Variants in ZNF497 observed in about 807,000 individuals in gnomAD.
The protein encoded by ZNF497 is zinc finger protein 497, also known as zinc finger-like protein.
For synonymous variants in ZNF497, 422 were observed against 313.7 expected, an observed-to-expected ratio of 1.35 and a Z score of -3.65; for missense variants, 930 against 714.0, an observed-to-expected ratio of 1.30 and a Z score of -3.45.
Position 58,356,628 on chromosome 19 carries a change from G to A in ZNF497, c.1008C>T (p.Gly336=), listed in dbSNP as rs2052024652. 1.9e-6 allele frequency: 3 copies of A among 1,545,786 alleles called. No individual in the cohort carries two copies. Among genetic ancestry groups the A allele is most frequent in the Non-Finnish European group, 1.7e-6 (2 of 1,150,778 alleles). ...GERPFECAEC[G]QAFVMGSYLA... is the part of the protein sequence containing the mutation. ...GGTAGGAGCCCATGACGAAAGCCTG[G>A]CCGCACTCGGCGCACTCGAAGGGCC... is the stretch of plus-strand genomic sequence containing the variant. Residue 336 remains glycine (G), a synonymous_variant, in exon 3 of 3, where the codon GGC becomes GGT. Transcript: ENST00000311044.
At position 58,359,103 on chromosome 19, in the gene ZNF497, G is replaced by C. The variant is rs986229399; in HGVS notation, c.-111-518C>G. On this transcript the variant is annotated intron_variant, in intron 1 of 2. Transcript: ENST00000311044. ...ATCAGCCACTGGCAACACAGCTCAC[G>C]CAGCTGAGCCAGGGCCCCTCGGGGC... 3.0e-6 allele frequency: 3 copies of C among 1,001,886 alleles called. No individual in the cohort carries two copies. In the African/African-American group the frequency reaches 5.0e-5, roughly 17 times the overall value. The allele number at this position is 1,001,886 out of a possible 1,614,324, so 62.1% of individuals were successfully genotyped here. A position where few individuals can be genotyped will look rare whatever the true frequency, so the allele number is the denominator to read the frequency against.
chr19:58,358,915 C>T (rs1470963819), intron 1 of ZNF497: 1 of 455,134 alleles, frequency 2.2e-6, no homozygotes, highest in South Asian at 1.6e-5. Context: ...GGAGTCCTGG[C>T]CCAGCTGACT....
rs886317920 is a variant in ZNF497, at chr19:58,356,658, A to C, written c.978T>G (p.Gly326=). 1 of 1,532,692 alleles carries C rather than the reference A, an allele frequency of 6.5e-7. No homozygotes were observed. The highest frequency in any genetic ancestry group is 8.7e-7 in the Non-Finnish European group (1 of 1,146,310). The allele number at this position is 1,532,692 out of a possible 1,614,324, so 94.9% of individuals were successfully genotyped here. The change falls in exon 3 of 3, where the codon GGT becomes GGG. Residue 326 remains glycine, a synonymous_variant. Transcript: ENST00000311044. ...ACTCGGCGCACTCGAAGGGCCGCTC[A>C]CCAGTGTGCGTGCGCTGGTGCTGCA... ...QLLQHQRTHT[G]ERPFECAECG...
At position 58,357,204 on chromosome 19, in the gene ZNF497, G is replaced by T. The variant is rs764826955; in HGVS notation, c.432C>A (p.Ala144=). Reference sequence around the variant, plus strand: ...GGTGCTGGCTGAGGTTGGAGCTCCAGGCGAAGGCCTTGCCGCACTCGGGGC... The same window carrying T: ...GGTGCTGGCTGAGGTTGGAGCTCCATGCGAAGGCCTTGCCGCACTCGGGGC... ...YTCPECGKAF[A]WSSNLSQHQR... Residue 144 remains alanine (A), a synonymous_variant, in exon 3 of 3, where the codon GCC becomes GCA. Transcript: ENST00000311044. 28 of 1,613,118 alleles carry T rather than the reference G, an allele frequency of 1.7e-5. No individual in the cohort carries two copies. In the South Asian group the frequency reaches 3.0e-4, roughly 17 times the overall value.
chr19:58,357,148 G>C lies in ZNF497; in HGVS notation c.488C>G (p.Ala163Gly), dbSNP rs754474273. ...QRIHSGEKPY[A>G]CRECGKAFRA... ...GAAGGCCTTGCCGCACTCCCTGCAA[G>C]CGTAGGGCTTCTCGCCGCTGTGGAT... The change falls in exon 3 of 3, where the codon GCT (alanine) becomes GGT (glycine). Residue 163 changes from alanine (A) to glycine (G), a missense_variant. Coordinates refer to ENST00000311044, the MANE Select transcript of ZNF497 (RefSeq NM_198458.3). 2 of 1,602,826 alleles carry C rather than the reference G, an allele frequency of 1.2e-6. No individual in the cohort carries two copies. The highest frequency in any genetic ancestry group is 1.3e-5 in the African/African-American group (1 of 74,438).
chr19:58,361,636 C>G (rs1462020653), intron 1 of ZNF497, among the ~76,000 whole-genome samples: 2 of 152,346 alleles, frequency 1.3e-5, no homozygotes, highest in South Asian at 4.1e-4. Flanking sequence ...GGATTACAGA[C>G]ATGAGCCACC....
chr19:58,361,350 G>A (rs2052091316), intron 1 of ZNF497, among the ~76,000 whole-genome samples: 2 of 152,066 alleles, frequency 1.3e-5, no homozygotes, highest in Non-Finnish European at 1.5e-5. Flanking sequence ...TTGTACTCTA[G>A]TTTTTCTTTC....
intron 1 of ZNF497, among the ~76,000 whole-genome samples, chr19:58,360,168 AAGAG>A (rs1344644347): frequency 6.6e-6 from 1 of 152,152 alleles, no homozygotes; most frequent in African/African-American, 2.4e-5. Flanking sequence ...ATCTGCAGGG[AAGAG>A]AGAAATGGGA....
In ZNF497 at chr19:58,356,370, G is replaced by A. The variant is rs776368399; in HGVS notation, c.1266C>T (p.Ala422=). 2.6e-6 allele frequency: 4 copies of A among 1,566,020 alleles called. No individual in the cohort carries two copies. Among genetic ancestry groups the A allele is most frequent in the Admixed American group, 3.7e-5 (2 of 53,564 alleles). The part of the protein sequence containing the change: ...RPFACAECGK[A]FRGSSELRQH... ...GGCGCAGCTCGGAGCTGCCGCGGAA[G>A]GCCTTGCCGCATTCTGCGCAGGCGA... The change falls in exon 3 of 3, where the codon GCC becomes GCT. Residue 422 remains alanine, a synonymous_variant. Transcript: ENST00000311044.
intron 1 of ZNF497, among the ~76,000 whole-genome samples, chr19:58,360,395 G>A (rs184187597): frequency 2.5e-4 from 38 of 151,462 alleles, no homozygotes; most frequent in African/African-American, 8.7e-4. Flanking sequence ...TTTTGACAGG[G>A]TCTGGCTCTG....
In ZNF497 at chr19:58,357,187, C is replaced by G. The variant is rs2052036438; in HGVS notation, c.449G>C (p.Ser150Thr). 6.2e-7 allele frequency: 1 copy of G among 1,608,248 alleles called. No homozygotes were observed. Among genetic ancestry groups the G allele is most frequent in the Non-Finnish European group, 8.5e-7 (1 of 1,178,310 alleles). ...GKAFAWSSNL[S>T]QHQRIHSGEK... ...GCCGCTGTGGATGCGCTGGTGCTGG[C>G]TGAGGTTGGAGCTCCAGGCGAAGGC... is the stretch of plus-strand genomic sequence containing the variant. The change falls in exon 3 of 3, where the codon AGC (serine) becomes ACC (threonine). Residue 150 changes from serine to threonine, a missense_variant. Transcript: ENST00000311044.
At chr19:58,359,551 C>T (rs192952720) in intron 1 of ZNF497, 1 of 437,190 alleles carries the variant, frequency 2.3e-6, no homozygotes, top group Non-Finnish European at 4.6e-6. Context: ...TTGAGGGTCC[C>T]TGCCCTGCCC....
chr19:58,362,241 C>T (rs966851145), intron 1 of ZNF497, among the ~76,000 whole-genome samples: 1 of 152,234 alleles, frequency 6.6e-6, no homozygotes, highest in Non-Finnish European at 1.5e-5. Context: ...GAAGCTGCGG[C>T]CAGGTGGCGC....
At position 58,356,502 on chromosome 19, in the gene ZNF497, G is replaced by C; in HGVS notation, c.1134C>G (p.Arg378=). The part of the protein sequence containing the change: ...SQRSNLLSHR[R]THSGAKPFAC... Reference sequence around the variant, plus strand: ...CGAAGGGCTTGGCGCCCGAGTGCGTGCGCCGGTGGCTCAGTAGGTTGGAGC... The same window carrying C: ...CGAAGGGCTTGGCGCCCGAGTGCGTCCGCCGGTGGCTCAGTAGGTTGGAGC... Residue 378 remains arginine, a synonymous_variant, in exon 3 of 3, where the codon CGC becomes CGG. Transcript: ENST00000311044. The C allele has an allele frequency of 1.3e-6, 2 of 1,548,384 alleles. No homozygotes were observed. Among genetic ancestry groups the C allele is most frequent in the South Asian group, 1.2e-5 (1 of 85,146 alleles).
chr19:58,361,954 G>A (rs568044391), intron 1 of ZNF497, among the ~76,000 whole-genome samples: 11 of 152,224 alleles, frequency 7.2e-5, no homozygotes, highest in African/African-American at 2.4e-4. Flanking sequence ...TCCTGAGTCC[G>A]TCCTCGTCGT....
At chr19:58,362,482 C>G (rs2052104700) in intron 1 of ZNF497, 195 bp downstream of exon 1, 1 of 152,228 alleles carries the variant, frequency 6.6e-6, no homozygotes. Flanking sequence ...GGAGCCATTT[C>G]CGTCCCGACC....
At position 58,356,701 on chromosome 19, in the gene ZNF497, CG is replaced by C. The variant is rs777517402; in HGVS notation, c.934del (p.Arg312AlafsTer63). 10 of 1,563,992 alleles carry C rather than the reference CG, an allele frequency of 6.4e-6. No individual in the cohort carries two copies. Among genetic ancestry groups the C allele is most frequent in the Admixed American group, 1.9e-5 (1 of 53,954 alleles). On this transcript the variant is annotated frameshift_variant, in exon 3 of 3. Coordinates refer to ENST00000311044, the MANE Select transcript of ZNF497 (RefSeq NM_198458.3). ...GTGCTGCAGGAGCTGCGAGCTCTCG[CG>C]GAAAGCCTTTCCGCACTCGGCGCAG... ...FPCAECGKAFRESSQLLQHQR... is the reference protein window; with the variant it reads ...FPCAECGKAFXESSQLLQHQR...
rs1309294383 is a variant in ZNF497 at position 58,356,120 on chromosome 19, CG to C, written c.*18del. On this transcript the variant is annotated 3_prime_UTR_variant, in exon 3 of 3. Coordinates refer to ENST00000311044, the MANE Select transcript of ZNF497 (RefSeq NM_198458.3). ...GCAATGCCGTGTGTCCGCGACCTCC[CG>C]CTCAGGGCGTCCTCGGGTCAGGGCG... 8.6e-6 allele frequency: 13 copies of C among 1,518,454 alleles called. No individual in the cohort carries two copies. The highest frequency in any genetic ancestry group is 1.1e-5 in the Non-Finnish European group (13 of 1,136,406). The allele number at this position is 1,518,454 out of a possible 1,614,324, so 94.1% of individuals were successfully genotyped here. A position where few individuals can be genotyped will look rare whatever the true frequency, so the allele number is the denominator to read the frequency against.
intron 1 of ZNF497, among the ~76,000 whole-genome samples, chr19:58,362,042 C>T (rs960656773): frequency 2.0e-5 from 3 of 152,246 alleles, no homozygotes; most frequent in African/African-American, 7.2e-5. Flanking sequence ...CACGTCCACG[C>T]TGCGTGCCCT....
Sources: allele counts gnomAD v4.1 joint callset (sites outside exome capture counted in the v4.1 genomes callset), GRCh38; gene constraint gnomAD v4.1.1; transcripts MANE v1.5; gene names NCBI Gene and HGNC (gene_info 2026-07-23, HGNC 2026-07-21).